Variants in DNAH12 observed in about 807,000 individuals in gnomAD.
The protein encoded by DNAH12 is axonemal beta dynein heavy chain 12.
In DNAH12, 285 loss-of-function variants were observed where a neutral mutation model predicts 371.5. The ratio of observed to expected loss-of-function variants is 0.77; its 90% CI spans 0.70 to 0.85. DNAH12 has a LOEUF of 0.85. Among genes scored for constraint, DNAH12 ranks in the 40% least tolerant of loss-of-function variants. The pLI, the probability that DNAH12 is intolerant of heterozygous loss-of-function variation, is 0.00. For missense variants in DNAH12, 3,611 were observed against 3,689.4 expected, an observed-to-expected ratio of 0.98 and a Z score of 0.55; for synonymous variants, 1,200 against 1,213.0, an observed-to-expected ratio of 0.99 and a Z score of 0.22.
chr3:57,327,564 G>A (rs1251119822), intron 62 of DNAH12, among the ~76,000 whole-genome samples: 1 of 152,094 alleles, frequency 6.6e-6, no homozygotes, highest in East Asian at 1.9e-4. Flanking sequence ...AAAGCAGTGT[G>A]TAAAGGGAAA....
chr3:57,521,392 G>T (rs902952161), intron 4 of DNAH12, among the ~76,000 whole-genome samples: 6 of 152,114 alleles, frequency 3.9e-5, no homozygotes, highest in African/African-American at 1.2e-4. Flanking sequence ...CAGGGGGATG[G>T]TGGCATGCTC....
Position 57,457,823 on chromosome 3 carries a change from G to A in DNAH12, c.3234C>T (p.Leu1078=). ...CACCCCGCGCTGCAGACGTGGAAAT[G>A]AGTGCAATCAGCTCCACTCGCTCGC... is the stretch of plus-strand genomic sequence containing the variant. ...SEGERVELIA[L]ISTSAARGAV... Residue 1078 remains leucine, a synonymous_variant, in exon 22 of 74, where the codon CTC becomes CTT. Transcript: ENST00000495027. The A allele has an allele frequency of 6.4e-7, 1 of 1,551,636 alleles. No homozygotes were observed. The highest frequency in any genetic ancestry group is 8.7e-7 in the Non-Finnish European group (1 of 1,146,994).
chr3:57,423,505 C>T (rs187468872), intron 35 of DNAH12, among the ~76,000 whole-genome samples: 1 of 151,992 alleles, frequency 6.6e-6, no homozygotes, highest in African/African-American at 2.4e-5. Context: ...AGCAGGAAAC[C>T]CTGGAATGTG....
intron 43 of DNAH12, 109 bp from the exon 44 acceptor site, chr3:57,394,441 A>AC (rs1414062011): frequency 6.6e-6 from 1 of 152,148 alleles, no homozygotes; most frequent in Non-Finnish European, 1.5e-5. Context: ...TTAGGGCAGT[A>AC]CCTCTCCCCA....
chr3:57,519,906 C>T, intron 4 of DNAH12: 1 of 929,748 alleles, frequency 1.1e-6, no homozygotes, highest in East Asian at 2.4e-5. Flanking sequence ...CCACCACGTT[C>T]CACTTCTTGA....
intron 25 of DNAH12, among the ~76,000 whole-genome samples, chr3:57,448,352 A>G (rs12488495): frequency 0.45 from 67,508 of 150,930 alleles, 16,705 homozygotes; most frequent in South Asian, 0.59. Flanking sequence ...GGACTTGTTC[A>G]TTCCTCCTGG....
chr3:57,474,550 C>T (rs1165350137), intron 13 of DNAH12, among the ~76,000 whole-genome samples: 2 of 152,180 alleles, frequency 1.3e-5, no homozygotes, highest in Non-Finnish European at 2.9e-5. Context: ...CCCACGTCGG[C>T]CTCCCACAGT....
chr3:57,366,481 G>A (rs941518649), intron 57 of DNAH12, among the ~76,000 whole-genome samples: 2 of 152,184 alleles, frequency 1.3e-5, no homozygotes, highest in African/African-American at 4.8e-5. Flanking sequence ...CGTGGAGTCT[G>A]GATCGGGATC....
chr3:57,395,073 G>A lies in DNAH12; in HGVS notation c.6949-741C>T, dbSNP rs1034055303. 1.5e-4 allele frequency among the ~76,000 whole-genome samples: 23 copies of A among 152,136 alleles called. No homozygotes were observed. In the South Asian group the frequency reaches 1.9e-3, roughly 12 times the overall value. ...TTATATTTAAAAGGGAGGTAAATGC[G>A]TAAATATCATCATCTCCTATTTTAT... On this transcript the variant is annotated intron_variant, in intron 43 of 73. Coordinates refer to ENST00000495027, the MANE Select transcript of DNAH12 (RefSeq NM_001366028.2).
chr3:57,483,099 GAAAAA>G (rs57454657), intron 13 of DNAH12, among the ~76,000 whole-genome samples: 2 of 135,594 alleles, frequency 1.5e-5, no homozygotes, highest in African/African-American at 2.7e-5. Context: ...GTGCAACATT[GAAAAA>G]AAAAAAAAAA....
At chr3:57,394,516 G>C (rs2063697171) in intron 43 of DNAH12, among the ~76,000 whole-genome samples, 184 bp from the exon 44 acceptor site, 1 of 152,132 alleles carries the variant, frequency 6.6e-6, no homozygotes, top group Non-Finnish European at 1.5e-5. Flanking sequence ...GATCCAAACT[G>C]GTCAGAGTTT....
intron 15 of DNAH12, among the ~76,000 whole-genome samples, chr3:57,471,182 T>A (rs902344267): frequency 6.6e-6 from 1 of 151,840 alleles, no homozygotes; most frequent in African/African-American, 2.4e-5. Context: ...CAAAACCCCA[T>A]CTCTACAAGA....
chr3:57,499,533 C>T (rs1348996526), intron 11 of DNAH12, among the ~76,000 whole-genome samples: 1 of 147,072 alleles, frequency 6.8e-6, no homozygotes, highest in Non-Finnish European at 1.5e-5. Context: ...GTGGCTCATG[C>T]CTACAATCCC....
chr3:57,372,561 CAAAA>C (rs2063198010), intron 55 of DNAH12, among the ~76,000 whole-genome samples: 3 of 151,438 alleles, frequency 2.0e-5, no homozygotes, highest in African/African-American at 7.3e-5. Context: ...TATAACAGCA[CAAAA>C]GACAGAAAAG....
intron 69 of DNAH12, among the ~76,000 whole-genome samples, chr3:57,308,678 T>C (rs1045585162): frequency 1.3e-5 from 2 of 152,088 alleles, no homozygotes; most frequent in African/African-American, 4.8e-5. Flanking sequence ...ACAGCTGATA[T>C]CTCCTGGTGC....
chr3:57,317,800 G>A (rs917039647), intron 65 of DNAH12, among the ~76,000 whole-genome samples: 2 of 152,030 alleles, frequency 1.3e-5, no homozygotes, highest in African/African-American at 2.4e-5. Flanking sequence ...GTGTATGAGG[G>A]CTCCAATTTT....
chr3:57,475,831 T>C (rs527968195), intron 13 of DNAH12, among the ~76,000 whole-genome samples: 2 of 152,298 alleles, frequency 1.3e-5, no homozygotes, highest in East Asian at 3.9e-4. Flanking sequence ...GCACTGCTAA[T>C]AGGAGTCTAA....
rs916880785 is a variant in DNAH12, at chr3:57,359,657, T to A, written c.9361-2309A>T. ...AACTCATTACTTGTAAAACTTTTTC[T>A]GGTCTGTGATATTTATATATATTAT... On this transcript the variant is annotated intron_variant, in intron 58 of 73. Transcript: ENST00000495027. Among the ~76,000 whole-genome samples the A allele has an allele frequency of 2.6e-5, 4 of 152,092 alleles. No homozygotes were observed. The South Asian group carries it at 8.3e-4, about 32-fold the overall frequency.
intron 29 of DNAH12, among the ~76,000 whole-genome samples, chr3:57,439,374 T>G (rs2065235724): frequency 2.0e-5 from 3 of 152,066 alleles, no homozygotes; most frequent in Admixed American, 2.0e-4. Context: ...ATAGAATGAC[T>G]AGAAACCCAA....
Sources: allele counts gnomAD v4.1 joint callset (sites outside exome capture counted in the v4.1 genomes callset), GRCh38; gene constraint gnomAD v4.1.1; transcripts MANE v1.5; gene names NCBI Gene and HGNC (gene_info 2026-07-23, HGNC 2026-07-21).